GAS7: variants seen among roughly 807,000 people sequenced by gnomAD.
The protein encoded by GAS7 is growth arrest specific 7, also known as growth arrest-specific protein 7.
Under a neutral mutation model 71.1 loss-of-function variants are expected in GAS7, and 28 were observed. That is an observed-to-expected ratio of 0.39 (90% CI 0.29 to 0.54). The LOEUF is 0.54. Among genes scored for constraint, GAS7 ranks in the 20% least tolerant of loss-of-function variants. GAS7 has a pLI of 0.62. For missense variants in GAS7, 436 were observed against 627.8 expected, an observed-to-expected ratio of 0.69 and a Z score of 3.27; for synonymous variants, 258 against 245.8, an observed-to-expected ratio of 1.05 and a Z score of -0.46.
Position 9,916,829 on chromosome 17 carries a change from C to A in GAS7, c.*399G>T. The stretch of plus-strand genomic sequence containing the variant: ...CACCTGGCTTAGAGACAGAGCCCTC[C>A]CTACCCTGATCCTCCAAAGCCCTGG... On this transcript the variant is annotated 3_prime_UTR_variant, in exon 14 of 14. Transcript: ENST00000432992. The A allele has an allele frequency of 2.3e-6, 1 of 427,984 alleles. No homozygotes were observed. The highest frequency in any genetic ancestry group is 9.3e-5 in the South Asian group (1 of 10,718). 26.5% of individuals were successfully genotyped at this position (427,984 alleles called of 1,614,324 possible).
chr17:9,987,845 T>C (rs1446414609), intron 2 of GAS7, among the ~76,000 whole-genome samples: 1 of 152,238 alleles, frequency 6.6e-6, no homozygotes, highest in African/African-American at 2.4e-5. Context: ...GCATTAGCAA[T>C]ATTGGGCTCC....
rs1450273177 is a variant in GAS7 at position 9,916,785 on chromosome 17, C to T, written c.*443G>A. 2.5e-6 allele frequency: 1 copy of T among 401,456 alleles called. No individual in the cohort carries two copies. The highest frequency in any genetic ancestry group is 4.4e-6 in the Non-Finnish European group (1 of 228,054). 24.9% of individuals were successfully genotyped at this position (401,456 alleles called of 1,614,324 possible). A position where few individuals can be genotyped will look rare whatever the true frequency, so the allele number is the denominator to read the frequency against. The stretch of plus-strand genomic sequence containing the variant: ...GCTGTGAGCTGAATGGCACCTTCTA[C>T]CCATGATTCTGATCCTGACACCTGG... On this transcript the variant is annotated 3_prime_UTR_variant, in exon 14 of 14. Coordinates refer to ENST00000432992, the MANE Select transcript of GAS7 (RefSeq NM_201433.2).
rs2067708654 is a variant in GAS7 at position 9,919,314 on chromosome 17, TAAA to T, written c.1218+309_1218+311del. Among the ~76,000 whole-genome samples, 1 of 152,102 alleles carries T rather than the reference TAAA, an allele frequency of 6.6e-6. No individual in the cohort carries two copies. ...CTTCCTATAGCTTGGCTATTTTTCCTAAAGAGGCCCTTGTCCACTTAGTTGAGG... is the reference window on the plus strand; with the variant it reads ...CTTCCTATAGCTTGGCTATTTTTCCTGAGGCCCTTGTCCACTTAGTTGAGG... On this transcript the variant is annotated intron_variant, in intron 12 of 13. Transcript: ENST00000432992. The surrounding 1 kb of genome is among the most constrained non-coding windows in gnomAD (Gnocchi z 5.0).
intron 1 of GAS7, among the ~76,000 whole-genome samples, chr17:10,157,251 C>T (rs1300745705): frequency 6.6e-6 from 1 of 152,072 alleles, no homozygotes; most frequent in South Asian, 2.1e-4. Flanking sequence ...GGCCTGACAC[C>T]CTGAAGTGCA....
intron 1 of GAS7, among the ~76,000 whole-genome samples, chr17:10,085,713 AG>A (rs1208703284): frequency 2.7e-5 from 4 of 150,004 alleles, no homozygotes; most frequent in African/African-American, 4.9e-5. Flanking sequence ...AAAAAAAGAA[AG>A]AAAGAAAGAA....
At chr17:10,022,471 G>T (rs2072307702) in intron 1 of GAS7, among the ~76,000 whole-genome samples, 1 of 152,198 alleles carries the variant, frequency 6.6e-6, no homozygotes, top group Non-Finnish European at 1.5e-5. Context: ...GGGTGCAGGA[G>T]ACAGGAACCC....
chr17:9,911,338 T>TC lies in GAS7; in HGVS notation c.*5889dup, dbSNP rs1181410267. On this transcript the variant is annotated 3_prime_UTR_variant, in exon 14 of 14. Transcript: ENST00000432992. This position sits in a 1 kb window ranked among gnomAD's most constrained non-coding sequence, Gnocchi z 4.0. ...TGCTCTCCCCCTGCATAGCAGGCTT[T>TC]CCCTCTAGGTCTCCCAGTCACCCCA... 1 of 233,344 alleles carries TC rather than the reference T, an allele frequency of 4.3e-6. No individual in the cohort carries two copies. The highest frequency in any genetic ancestry group is 8.5e-6 in the Non-Finnish European group (1 of 118,188). 14.5% of individuals were successfully genotyped at this position (233,344 alleles called of 1,614,324 possible).
intron 1 of GAS7, among the ~76,000 whole-genome samples, chr17:10,081,520 T>C (rs753063882): frequency 6.6e-6 from 1 of 152,072 alleles, no homozygotes; most frequent in Non-Finnish European, 1.5e-5. Context: ...TTTGACTAGA[T>C]TGCAACAAAA....
chr17:9,991,259 G>A (rs1001735593), intron 2 of GAS7, among the ~76,000 whole-genome samples: 1 of 152,134 alleles, frequency 6.6e-6, no homozygotes, highest in Non-Finnish European at 1.5e-5. Flanking sequence ...AGGGGTGAAG[G>A]GGGGCTAGAA....
intron 1 of GAS7, among the ~76,000 whole-genome samples, chr17:10,194,429 G>A (rs1158304970): frequency 1.3e-5 from 2 of 152,210 alleles, no homozygotes; most frequent in South Asian, 4.1e-4. Flanking sequence ...CACTGGGCTT[G>A]TCCTGGTACC....
At chr17:9,963,524 T>C (rs2069584597) in intron 4 of GAS7, among the ~76,000 whole-genome samples, 2 of 151,970 alleles carry the variant, frequency 1.3e-5, no homozygotes, top group African/African-American at 2.4e-5. Flanking sequence ...AACCAGTGTA[T>C]CTGTGTGTGA....
At chr17:9,952,023 C>G (rs1295867072) in intron 5 of GAS7, among the ~76,000 whole-genome samples, 1 of 152,114 alleles carries the variant, frequency 6.6e-6, no homozygotes, top group African/African-American at 2.4e-5. Context: ...TGGCTCCAAG[C>G]CAACCACCTA....
At chr17:10,180,714 T>C (rs1299956231) in intron 1 of GAS7, among the ~76,000 whole-genome samples, 3 of 152,168 alleles carry the variant, frequency 2.0e-5, no homozygotes, top group African/African-American at 4.8e-5. Context: ...ATCCTATGCA[T>C]GTGTAAGATG....
intron 1 of GAS7, among the ~76,000 whole-genome samples, chr17:10,102,012 A>G (rs572300993): frequency 5.0e-4 from 76 of 152,192 alleles, no homozygotes; most frequent in African/African-American, 1.6e-3. Context: ...GCCCATGCAT[A>G]AGGTAATCCA....
At chr17:10,083,575 C>T (rs920244068) in intron 1 of GAS7, among the ~76,000 whole-genome samples, 1 of 152,222 alleles carries the variant, frequency 6.6e-6, no homozygotes, top group African/African-American at 2.4e-5. Flanking sequence ...TTCCCAAGTT[C>T]TTGTCCCACA....
chr17:10,021,671 T>C (rs1002811354), intron 1 of GAS7, among the ~76,000 whole-genome samples: 2 of 152,234 alleles, frequency 1.3e-5, no homozygotes, highest in South Asian at 4.1e-4. Context: ...CGGTGTGGCA[T>C]CCCACCAGGG....
At chr17:10,079,979 G>A (rs966890082) in intron 1 of GAS7, among the ~76,000 whole-genome samples, 3 of 152,202 alleles carry the variant, frequency 2.0e-5, no homozygotes, top group Non-Finnish European at 4.4e-5. Context: ...TTGAACCAGA[G>A]TGACTCCATC....
At position 9,981,323 on chromosome 17, in the gene GAS7, C is replaced by G. The variant is rs534803408; in HGVS notation, c.385+481G>C. 6.6e-6 allele frequency among the ~76,000 whole-genome samples: 1 copy of G among 152,136 alleles called. No individual in the cohort carries two copies. Among genetic ancestry groups the G allele is most frequent in the South Asian group, 2.1e-4 (1 of 4,818 alleles). ...AAACAAACAAACAAACAAAAAAGAA[C>G]GTCCATCTCAACTGCCTCTGCTTGA... On this transcript the variant is annotated intron_variant, in intron 3 of 13. Coordinates refer to ENST00000432992, the MANE Select transcript of GAS7 (RefSeq NM_201433.2). The surrounding 1 kb of genome is among the most constrained non-coding windows in gnomAD (Gnocchi z 4.4).
At chr17:10,147,370 C>T (rs1183639045) in intron 1 of GAS7, among the ~76,000 whole-genome samples, 1 of 152,038 alleles carries the variant, frequency 6.6e-6, no homozygotes, top group Non-Finnish European at 1.5e-5. Context: ...TTAATCACAG[C>T]GAAGTATAAT....
Sources: allele counts gnomAD v4.1 joint callset (sites outside exome capture counted in the v4.1 genomes callset), GRCh38; gene constraint gnomAD v4.1.1; non-coding constraint Gnocchi (gnomAD v3.1); transcripts MANE v1.5; gene names NCBI Gene and HGNC (gene_info 2026-07-23, HGNC 2026-07-21).